Variants in C3orf33 observed in about 807,000 individuals in gnomAD.
The protein encoded by C3orf33 is AP-1 activity suppressor.
C3orf33 carries 23 observed loss-of-function variants against 28.7 expected under a neutral mutation model. The ratio of observed to expected loss-of-function variants is 0.80; its 90% CI spans 0.58 to 1.13. C3orf33 has a LOEUF of 1.13. Ranked by LOEUF, C3orf33 falls within the 50% of genes most tolerant of loss-of-function variation. The pLI is 0.00. For synonymous variants in C3orf33, 119 were observed against 120.5 expected (o/e 0.99, Z 0.08); for missense variants, 327 against 353.4 (o/e 0.93, Z 0.60).
chr3:155,796,496 T>C (rs1751479398), intron 2 of C3orf33, among the ~76,000 whole-genome samples: 1 of 151,928 alleles, frequency 6.6e-6, no homozygotes, highest in Non-Finnish European at 1.5e-5. Context: ...AACAAAGCCA[T>C]AATAAAAAGT....
At chr3:155,805,368 T>TGGGA (rs1751778757) in intron 1 of C3orf33, among the ~76,000 whole-genome samples, 2 of 151,976 alleles carry the variant, frequency 1.3e-5, no homozygotes, top group Admixed American at 1.3e-4. Flanking sequence ...GAGCCTGAGG[T>TGGGA]GGGAGGATTG....
At chr3:155,786,279 C>A (rs1188081265) in intron 2 of C3orf33, among the ~76,000 whole-genome samples, 1 of 151,680 alleles carries the variant, frequency 6.6e-6, no homozygotes, top group Non-Finnish European at 1.5e-5. Context: ...TATGAGAGTG[C>A]AGACAGGAAG....
At chr3:155,769,096 T>C (rs906940763) in intron 3 of C3orf33, among the ~76,000 whole-genome samples, 1 of 152,122 alleles carries the variant, frequency 6.6e-6, no homozygotes, top group African/African-American at 2.4e-5. Context: ...GTGGATCACC[T>C]GAGGTTAGGA....
chr3:155,797,064 G>T (rs1751494936), intron 2 of C3orf33, among the ~76,000 whole-genome samples: 1 of 152,146 alleles, frequency 6.6e-6, no homozygotes. Flanking sequence ...GGTGGTGGGT[G>T]CCTGTAATTC....
chr3:155,804,244 G>T, intron 1 of C3orf33: 2 of 363,240 alleles, frequency 5.5e-6, no homozygotes, highest in East Asian at 1.1e-4. Context: ...TCTGTGATTG[G>T]ATTATTTGTA....
intron 2 of C3orf33, among the ~76,000 whole-genome samples, chr3:155,793,210 C>CA (rs35293225): frequency 0.52 from 71,504 of 137,638 alleles, 18,943 homozygotes; most frequent in Middle Eastern, 0.67. Context: ...ATATATGTGG[C>CA]AAAAAAAAAA....
At chr3:155,798,939 G>A (rs951772895) in intron 2 of C3orf33, among the ~76,000 whole-genome samples, 2 of 151,998 alleles carry the variant, frequency 1.3e-5, no homozygotes, top group Non-Finnish European at 2.9e-5. Context: ...AAAATCTAAC[G>A]ATCTCATTTA....
intron 2 of C3orf33, among the ~76,000 whole-genome samples, chr3:155,795,446 A>G (rs960802672): frequency 6.6e-6 from 1 of 152,086 alleles, no homozygotes; most frequent in Non-Finnish European, 1.5e-5. Flanking sequence ...ACAGAGCAAG[A>G]CTTCATCTCA....
At chr3:155,804,883 T>C (rs1452817267) in intron 1 of C3orf33, among the ~76,000 whole-genome samples, 1 of 152,186 alleles carries the variant, frequency 6.6e-6, no homozygotes, top group Non-Finnish European at 1.5e-5. Flanking sequence ...GGACAGCATC[T>C]ACAATTCTGC....
At chr3:155,784,660 A>T (rs1022560637) in intron 2 of C3orf33, among the ~76,000 whole-genome samples, 1 of 152,070 alleles carries the variant, frequency 6.6e-6, no homozygotes, top group Non-Finnish European at 1.5e-5. Context: ...GAATCACCTG[A>T]ATCCGGGAGG....
intron 1 of C3orf33, among the ~76,000 whole-genome samples, chr3:155,803,783 G>A (rs911472782): frequency 6.7e-6 from 1 of 149,922 alleles, no homozygotes. Context: ...TCAGGAGGCT[G>A]AGGCACGAGA....
chr3:155,796,676 C>A (rs1310331645), intron 2 of C3orf33, among the ~76,000 whole-genome samples: 2 of 152,098 alleles, frequency 1.3e-5, no homozygotes, highest in Non-Finnish European at 2.9e-5. Context: ...TTCTACAAGG[C>A]TAGTATTACC....
At chr3:155,783,343 C>T (rs1199691499) in intron 2 of C3orf33, among the ~76,000 whole-genome samples, 1 of 152,012 alleles carries the variant, frequency 6.6e-6, no homozygotes, top group East Asian at 1.9e-4. Context: ...TTAGTAGAGA[C>T]ACGTTTTCGC....
chr3:155,770,352 C>T (rs889380044), intron 3 of C3orf33, among the ~76,000 whole-genome samples: 2 of 152,172 alleles, frequency 1.3e-5, no homozygotes, highest in African/African-American at 4.8e-5. Context: ...AGCCCGGGGC[C>T]AAGCAAGGTC....
Position 155,802,532 on chromosome 3 carries a change from C to T in C3orf33, c.174G>A (p.Leu58=). The stretch of plus-strand genomic sequence containing the variant: ...ATGTCTTTTTCATTTTTTAACTTAC[C>T]AGTCGAATGCTTCTCAAAAGTAACA... ...GIMLLLRSIR[L]TSKFTSSSDI... is the part of the protein sequence containing the mutation. The change falls in exon 2 of 5, where the codon CTG becomes CTA. Residue 58 remains leucine (L), a splice_region_variant and synonymous_variant. Transcript: ENST00000340171. 6.3e-7 allele frequency: 1 copy of T among 1,599,772 alleles called. No individual in the cohort carries two copies. The highest frequency in any genetic ancestry group is 8.5e-7 in the Non-Finnish European group (1 of 1,174,592).
At chr3:155,784,500 C>T (rs986955968) in intron 2 of C3orf33, among the ~76,000 whole-genome samples, 1 of 151,830 alleles carries the variant, frequency 6.6e-6, no homozygotes, top group African/African-American at 2.4e-5. Flanking sequence ...AGCACTTTGG[C>T]AGGCCAAGGC....
chr3:155,767,625 G>A lies in C3orf33; in HGVS notation c.367C>T (p.Leu123Phe). Residue 123 changes from leucine (L) to phenylalanine (F), a missense_variant, in exon 4 of 5, where the codon CTC becomes TTC. Coordinates refer to ENST00000340171, the MANE Select transcript of C3orf33 (RefSeq NM_001308229.2). ...AACCATGCCTTCCCAGTTTCAGCGA[G>A]TTCTACTCCAGCCAACTTAACCAGC... is the stretch of plus-strand genomic sequence containing the variant. ...ALLVKLAGVE[L>F]AETGKAWLQK... The A allele has an allele frequency of 6.3e-7, 1 of 1,583,616 alleles. No individual in the cohort carries two copies. The highest frequency in any genetic ancestry group is 8.6e-7 in the Non-Finnish European group (1 of 1,161,578).
intron 2 of C3orf33, among the ~76,000 whole-genome samples, chr3:155,786,601 C>A (rs1316106377): frequency 6.6e-6 from 1 of 152,062 alleles, no homozygotes; most frequent in Non-Finnish European, 1.5e-5. Context: ...CCAAGGCAGG[C>A]GGATCATCTG....
intron 3 of C3orf33, among the ~76,000 whole-genome samples, chr3:155,770,075 C>T (rs1209488018): frequency 2.0e-5 from 3 of 152,132 alleles, no homozygotes; most frequent in Non-Finnish European, 2.9e-5. Context: ...TGAAACTGCC[C>T]GTCTTTGGGC....
Sources: gnomAD v4.1 joint callset for allele counts (sites outside exome capture counted in the v4.1 genomes callset) on GRCh38, gnomAD v4.1.1 for gene constraint, MANE v1.5 for transcripts, NCBI Gene and HGNC (gene_info 2026-07-23, HGNC 2026-07-21) for gene names.